Variants in FBXL5 observed in about 807,000 individuals in gnomAD.
FBXL5 encodes F-box and leucine rich repeat protein 5, also known as F-box/LRR-repeat protein 5.
A neutral mutation model predicts 78.3 loss-of-function variants in FBXL5; 26 were observed. The ratio of observed to expected loss-of-function variants is 0.33; its 90% CI spans 0.24 to 0.46. The LOEUF (loss-of-function observed/expected upper bound fraction) is 0.46. FBXL5 is among the 20% of genes least tolerant of loss of function. The pLI, the probability that FBXL5 is intolerant of heterozygous loss-of-function variation, is 1.00. For missense variants in FBXL5, 710 were observed against 829.2 expected, an observed-to-expected ratio of 0.86 and a Z score of 1.77; for synonymous variants, 295 against 282.5, an observed-to-expected ratio of 1.04 and a Z score of -0.45.
At chr4:15,655,429 G>A (rs1716791778), upstream of FBXL5, 3 of 991,350 alleles carry the variant, frequency 3.0e-6, no homozygotes, top group East Asian at 1.1e-4. Context: ...GGCCGGCGGG[G>A]ACGCGGGGGC....
chr4:15,680,655 G>C (rs1273524550), intron 1 of FBXL5, among the ~76,000 whole-genome samples: 1 of 151,898 alleles, frequency 6.6e-6, no homozygotes, highest in Non-Finnish European at 1.5e-5. Flanking sequence ...CAGCCTGGGC[G>C]AGAGAGTGAG....
chr4:15,657,676 A>G (rs1161115348), upstream of FBXL5, among the ~76,000 whole-genome samples: 10 of 152,256 alleles, frequency 6.6e-5, no homozygotes, highest in Admixed American at 6.5e-4. Context: ...AATTTTTCCC[A>G]TGGAAAGCTA....
At chr4:15,633,873 A>G (rs1713948493) in intron 5 of FBXL5, among the ~76,000 whole-genome samples, 1 of 152,172 alleles carries the variant, frequency 6.6e-6, no homozygotes, top group Non-Finnish European at 1.5e-5. Flanking sequence ...GTGCTAGGAG[A>G]TTACAGGCGT....
intron 10 of FBXL5, among the ~76,000 whole-genome samples, chr4:15,607,743 G>C (rs912278387): frequency 6.6e-6 from 1 of 152,054 alleles, no homozygotes; most frequent in African/African-American, 2.4e-5. Context: ...CTGCCTCACT[G>C]CCATTCTCCT....
chr4:15,646,673 T>C (rs904818577), intron 1 of FBXL5, among the ~76,000 whole-genome samples: 2 of 151,494 alleles, frequency 1.3e-5, no homozygotes, highest in African/African-American at 4.9e-5. Flanking sequence ...ATTAGGTATA[T>C]CTCCCAATGC....
intron 9 of FBXL5, among the ~76,000 whole-genome samples, chr4:15,623,706 G>C (rs1036261331): frequency 3.3e-5 from 5 of 151,996 alleles, no homozygotes; most frequent in African/African-American, 1.2e-4. Context: ...TATGCCCTTG[G>C]ATTTGAGAAA....
At chr4:15,653,711 T>C (rs989037398) in intron 1 of FBXL5, among the ~76,000 whole-genome samples, 1 of 152,086 alleles carries the variant, frequency 6.6e-6, no homozygotes, top group African/African-American at 2.4e-5. Flanking sequence ...CCAGAGAGGA[T>C]AAAAACACTA....
chr4:15,665,815 C>T (rs1348892703), intron 1 of FBXL5, among the ~76,000 whole-genome samples: 1 of 152,124 alleles, frequency 6.6e-6, no homozygotes, highest in Non-Finnish European at 1.5e-5. Context: ...TGGCTCTCAA[C>T]TGAGACAGAT....
intron 1 of FBXL5, among the ~76,000 whole-genome samples, chr4:15,645,187 C>T (rs1261856855): frequency 6.6e-6 from 1 of 151,870 alleles, no homozygotes; most frequent in Non-Finnish European, 1.5e-5. Flanking sequence ...TCTAAGCTGT[C>T]TTATTGCCTA....
At chr4:15,613,613 G>C (rs1173165987) in intron 9 of FBXL5, among the ~76,000 whole-genome samples, 1 of 151,794 alleles carries the variant, frequency 6.6e-6, no homozygotes, top group Non-Finnish European at 1.5e-5. Context: ...TGGAAGCTTT[G>C]TTCATTTTAT....
At chr4:15,640,948 G>A (rs1005373373) in intron 2 of FBXL5, 65 bp from the exon 3 acceptor site, 12 of 864,460 alleles carry the variant, frequency 1.4e-5, no homozygotes, top group South Asian at 4.0e-5. Context: ...TCTGGTCCCA[G>A]GAAGTTTAAA....
intron 4 of FBXL5, among the ~76,000 whole-genome samples, chr4:15,637,903 A>T (rs7666056): frequency 0.5 from 50,963 of 102,518 alleles, 9,038 homozygotes; most frequent in Non-Finnish European, 0.53. Context: ...TAGTTTTTTT[A>T]AAAAAAAAAA....
intron 2 of FBXL5, among the ~76,000 whole-genome samples, chr4:15,642,068 A>G (rs541081664): frequency 6.6e-6 from 1 of 151,918 alleles, no homozygotes; most frequent in South Asian, 2.1e-4. Flanking sequence ...AAGGTCATAT[A>G]TATCAATATC....
chr4:15,674,204 GTTT>G (rs35166916), intron 1 of FBXL5, among the ~76,000 whole-genome samples: 5 of 140,214 alleles, frequency 3.6e-5, no homozygotes, highest in East Asian at 2.2e-4. Context: ...AATGCATCGT[GTTT>G]TTTTTTTTTT....
intron 8 of FBXL5, 131 bp downstream of exon 8, chr4:15,626,742 G>A (rs1379639035): frequency 3.0e-6 from 2 of 661,746 alleles, no homozygotes; most frequent in African/African-American, 1.8e-5. Flanking sequence ...ACTGGAGGGT[G>A]CTATCAAATT....
chr4:15,640,238 T>C (rs1322879564), intron 3 of FBXL5, among the ~76,000 whole-genome samples: 1 of 151,768 alleles, frequency 6.6e-6, no homozygotes, highest in Non-Finnish European at 1.5e-5. Context: ...CATGAGGTCT[T>C]GCTATTTTTC....
At chr4:15,607,064 A>G (rs962958956) in intron 10 of FBXL5, among the ~76,000 whole-genome samples, 1 of 152,212 alleles carries the variant, frequency 6.6e-6, no homozygotes. Context: ...AGTCTTAGGA[A>G]AGAAACTAAT....
upstream of FBXL5, among the ~76,000 whole-genome samples, chr4:15,656,823 T>A (rs1261308089): frequency 1.3e-5 from 2 of 152,078 alleles, no homozygotes; most frequent in African/African-American, 4.8e-5. Context: ...CTAGTAATAC[T>A]TTTTTAAAGC....
At chr4:15,664,727 T>G (rs376046161), upstream of FBXL5, among the ~76,000 whole-genome samples, 19 of 151,544 alleles carry the variant, frequency 1.3e-4, no homozygotes, top group African/African-American at 4.6e-4. Flanking sequence ...CCGGCTAACT[T>G]TTGTATTTTT....
Sources: allele counts gnomAD v4.1 joint callset (sites outside exome capture counted in the v4.1 genomes callset), GRCh38; gene constraint gnomAD v4.1.1; transcripts MANE v1.5; gene names NCBI Gene and HGNC (gene_info 2026-07-23, HGNC 2026-07-21).